CACNA1A: variants seen among roughly 807,000 people sequenced by gnomAD.
CACNA1A encodes the protein calcium voltage-gated channel subunit alpha1 A.
A neutral mutation model predicts 262.4 loss-of-function variants in CACNA1A; 57 were observed. That is an observed-to-expected ratio of 0.22 (90% CI 0.18 to 0.27). The LOEUF is 0.27. Among genes scored for constraint, CACNA1A ranks in the 10% least tolerant of loss-of-function variants. The probability of loss-of-function intolerance (pLI) is 1.00; values close to 1 mark genes in which losing one functional copy is unlikely to be tolerated. For synonymous variants in CACNA1A, 1,431 were observed against 1,419.3 expected (o/e 1.01, Z -0.18); for missense variants, 2,526 against 3,562.8 (o/e 0.71, Z 7.41).
chr19:13,329,379 C>T (rs1359600121), intron 10 of CACNA1A, among the ~76,000 whole-genome samples: 1 of 152,152 alleles, frequency 6.6e-6, no homozygotes, highest in East Asian at 1.9e-4. Flanking sequence ...CAGAGCCTCT[C>T]CCTGAAGTGC....
At chr19:13,337,031 G>C (rs1412948410) in intron 6 of CACNA1A, among the ~76,000 whole-genome samples, 3 of 152,196 alleles carry the variant, frequency 2.0e-5, no homozygotes, top group Non-Finnish European at 4.4e-5. Context: ...CACTGCTGCT[G>C]CCTGGAAGAA....
At chr19:13,505,427 G>GC (rs1010321333) in intron 1 of CACNA1A, among the ~76,000 whole-genome samples, 2 of 152,096 alleles carry the variant, frequency 1.3e-5, no homozygotes, top group African/African-American at 4.8e-5. Context: ...AAGTGCGGCG[G>GC]CCCCCCACCT....
At chr19:13,230,460 T>C (rs1277940332) in intron 35 of CACNA1A, among the ~76,000 whole-genome samples, 1 of 150,726 alleles carries the variant, frequency 6.6e-6, no homozygotes, top group Non-Finnish European at 1.5e-5. Flanking sequence ...AGTGGAGAGA[T>C]GGGGAAGAGG....
intron 12 of CACNA1A, among the ~76,000 whole-genome samples, chr19:13,309,822 G>A (rs1415661138): frequency 6.6e-6 from 1 of 151,888 alleles, no homozygotes; most frequent in Non-Finnish European, 1.5e-5. Flanking sequence ...AAAAACTGAG[G>A]TGAAATTCAC....
Position 13,212,208 on chromosome 19 carries a change from C to T in CACNA1A, c.6198G>A (p.Glu2066=), listed in dbSNP as rs1600088725. ...AGCCATCTCTGCCCATCTCTCGCAT[C>T]TCCACGGACTGCGGAGCAGATGGCA... The part of the protein sequence containing the change: ...PNSQPNSQSV[E]MREMGRDGYS... The change falls in exon 43 of 47, where the codon GAG becomes GAA. Residue 2066 remains glutamate, a synonymous_variant. Coordinates refer to ENST00000360228, the MANE Select transcript of CACNA1A (RefSeq NM_001127222.2). This position sits in a 1 kb window ranked among gnomAD's most constrained non-coding sequence, Gnocchi z 5.6. 6.2e-7 allele frequency: 1 copy of T among 1,613,666 alleles called. No homozygotes were observed. Among genetic ancestry groups the T allele is most frequent in the Non-Finnish European group, 8.5e-7 (1 of 1,179,602 alleles).
At chr19:13,316,880 G>T in intron 11 of CACNA1A, 1 of 418,222 alleles carries the variant, frequency 2.4e-6, no homozygotes, top group Non-Finnish European at 4.3e-6. Context: ...AATCACAGGA[G>T]CATTTGTTGG....
intron 3 of CACNA1A, among the ~76,000 whole-genome samples, chr19:13,410,843 G>C (rs1302428172): frequency 6.6e-6 from 1 of 152,080 alleles, no homozygotes; most frequent in Non-Finnish European, 1.5e-5. Context: ...CACTTTCCTT[G>C]CATGACAGCC....
chr19:13,253,445 C>CTTTTTTT (rs57960659), intron 29 of CACNA1A, among the ~76,000 whole-genome samples: 2 of 94,230 alleles, frequency 2.1e-5, no homozygotes, highest in African/African-American at 4.4e-5. Context: ...CTGAATTATA[C>CTTTTTTT]TTTTTTTTTT....
intron 3 of CACNA1A, among the ~76,000 whole-genome samples, chr19:13,401,195 AG>A (rs1429683741): frequency 9.2e-5 from 14 of 152,204 alleles, no homozygotes; most frequent in Non-Finnish European, 1.8e-4. Flanking sequence ...TGCCAATTTT[AG>A]GGTCCTTCTG....
At chr19:13,287,645 G>A (rs972675795) in intron 19 of CACNA1A, among the ~76,000 whole-genome samples, 9 of 151,970 alleles carry the variant, frequency 5.9e-5, no homozygotes, top group African/African-American at 1.9e-4. Flanking sequence ...GGGATTACAG[G>A]TGCCCACCAC....
chr19:13,299,386 T>G, intron 18 of CACNA1A, 33 bp from the exon 19 acceptor site: 1 of 1,582,070 alleles, frequency 6.3e-7, no homozygotes, highest in Non-Finnish European at 8.6e-7. Context: ...CTTAGAGCAT[T>G]GCTAGGCACT....
intron 9 of CACNA1A, among the ~76,000 whole-genome samples, chr19:13,332,424 A>T (rs1420788708): frequency 6.6e-6 from 1 of 151,880 alleles, no homozygotes; most frequent in Middle Eastern, 3.2e-3. Flanking sequence ...GAAAAGAAAG[A>T]AAGTCATGGT....
At chr19:13,386,968 T>G (rs1474362868) in intron 3 of CACNA1A, among the ~76,000 whole-genome samples, 1 of 152,036 alleles carries the variant, frequency 6.6e-6, no homozygotes, top group Non-Finnish European at 1.5e-5. Flanking sequence ...TTCTTTTGTT[T>G]TTGAGACAAA....
At chr19:13,296,196 C>T (rs1197459910) in intron 19 of CACNA1A, among the ~76,000 whole-genome samples, 1 of 152,230 alleles carries the variant, frequency 6.6e-6, no homozygotes, top group African/African-American at 2.4e-5. Context: ...CCACTGAGTC[C>T]TTAGCCCTAC....
intron 3 of CACNA1A, among the ~76,000 whole-genome samples, chr19:13,430,007 A>G (rs192078033): frequency 0.66 from 28,875 of 43,774 alleles, 7,596 homozygotes; most frequent in African/African-American, 0.77. Context: ...GGAGGGGGGA[A>G]GGGGGAGTCG....
intron 3 of CACNA1A, among the ~76,000 whole-genome samples, chr19:13,420,346 C>T (rs1044632846): frequency 5.9e-5 from 9 of 151,804 alleles, no homozygotes; most frequent in South Asian, 2.1e-4. Flanking sequence ...CCCCCAAATT[C>T]GTGTTTACCG....
rs1037243164 is a variant in CACNA1A at position 13,455,219 on chromosome 19, G to A, written c.294-7C>T. ...AATCATATATTCAAAGGGAGTATTG[G>A]GGAATTAAGGAAAAATCTTGTTCAA... On this transcript the variant is annotated splice_region_variant and splice_polypyrimidine_tract_variant and intron_variant, in intron 1 of 46. Transcript: ENST00000360228. The A allele has an allele frequency of 6.4e-7, 1 of 1,550,998 alleles. No individual in the cohort carries two copies.
In CACNA1A at chr19:13,308,005, G is replaced by T; in HGVS notation, c.1913+115C>A. 6.9e-7 allele frequency: 1 copy of T among 1,444,676 alleles called. No individual in the cohort carries two copies. Among genetic ancestry groups the T allele is most frequent in the South Asian group, 1.3e-5 (1 of 78,848 alleles). 89.5% of individuals were successfully genotyped at this position (1,444,676 alleles called of 1,614,324 possible). On this transcript the variant is annotated intron_variant, in intron 14 of 46. Coordinates refer to ENST00000360228, the MANE Select transcript of CACNA1A (RefSeq NM_001127222.2). The surrounding 1 kb of genome is among the most constrained non-coding windows in gnomAD (Gnocchi z 4.2). ...TACCCAGGGCCCTGCCCATTTGGGT[G>T]ACCGCAATGGGTGTCTGGGCTACGA...
intron 6 of CACNA1A, among the ~76,000 whole-genome samples, chr19:13,345,688 G>A (rs570374097): frequency 3.9e-5 from 6 of 152,288 alleles, no homozygotes; most frequent in African/African-American, 1.4e-4. Context: ...CGTTTCTCCA[G>A]TATATGGGAT....
Sources: gnomAD v4.1 joint callset for allele counts (sites outside exome capture counted in the v4.1 genomes callset) on GRCh38, gnomAD v4.1.1 for gene constraint, Gnocchi (gnomAD v3.1) non-coding constraint, MANE v1.5 for transcripts, NCBI Gene and HGNC (gene_info 2026-07-23, HGNC 2026-07-21) for gene names.